Variants in NTM observed in about 807,000 individuals in gnomAD.
NTM encodes the protein IgLON family member 2.
In NTM, 13 loss-of-function variants were observed where a neutral mutation model predicts 42.1. The observed-to-expected ratio is 0.31, with a 90% CI of 0.20 to 0.49. The LOEUF (loss-of-function observed/expected upper bound fraction) is 0.49. Ranked by LOEUF, NTM falls within the 20% of genes least tolerant of loss-of-function variation. The pLI, the probability that NTM is intolerant of heterozygous loss-of-function variation, is 0.99. For synonymous variants in NTM, 187 were observed against 179.2 expected, an observed-to-expected ratio of 1.04 and a Z score of -0.35; for missense variants, 373 against 452.8, an observed-to-expected ratio of 0.82 and a Z score of 1.60.
intron 4 of NTM, among the ~76,000 whole-genome samples, chr11:132,266,688 A>G (rs2093201502): frequency 6.6e-6 from 1 of 152,234 alleles, no homozygotes; most frequent in Non-Finnish European, 1.5e-5. Flanking sequence ...CAAGTGCCCT[A>G]GATCTTTCTG....
chr11:132,239,521 G>C (rs2089767328), intron 4 of NTM, among the ~76,000 whole-genome samples: 1 of 152,176 alleles, frequency 6.6e-6, no homozygotes. Context: ...ATGTTCATCT[G>C]CCCAAGCACC....
At chr11:132,227,969 A>G (rs1350817350) in intron 4 of NTM, among the ~76,000 whole-genome samples, 8 of 152,140 alleles carry the variant, frequency 5.3e-5, no homozygotes, top group Admixed American at 5.2e-4. Context: ...AAAGTCCTCA[A>G]TATTTAACCC....
chr11:131,760,488 G>C (rs1348985961), intron 1 of NTM, among the ~76,000 whole-genome samples: 2 of 152,146 alleles, frequency 1.3e-5, no homozygotes, highest in Non-Finnish European at 2.9e-5. Context: ...AAAAGTGCTG[G>C]GTGGGTGGTT....
intron 1 of NTM, among the ~76,000 whole-genome samples, chr11:131,695,705 G>A (rs1412817542): frequency 6.6e-6 from 1 of 152,100 alleles, no homozygotes; most frequent in South Asian, 2.1e-4. Flanking sequence ...GCAGCGGGTC[G>A]GATGGAGAAC....
At chr11:132,048,022 G>C (rs146746842) in intron 2 of NTM, among the ~76,000 whole-genome samples, 1 of 151,578 alleles carries the variant, frequency 6.6e-6, no homozygotes, top group East Asian at 1.9e-4. Context: ...TTATATAGCT[G>C]AGTATGTCTG....
chr11:131,420,875 G>A (rs1947436385), intron 1 of NTM, among the ~76,000 whole-genome samples: 1 of 152,178 alleles, frequency 6.6e-6, no homozygotes, highest in Non-Finnish European at 1.5e-5. Context: ...GTTGGCAAAT[G>A]CCTGGTCTGG....
chr11:132,090,970 A>G (rs1218025363), intron 2 of NTM, among the ~76,000 whole-genome samples: 1 of 152,110 alleles, frequency 6.6e-6, no homozygotes, highest in Non-Finnish European at 1.5e-5. Flanking sequence ...TATTCCTCCC[A>G]TTCTCTATAG....
chr11:131,772,226 C>T (rs752740335), intron 1 of NTM, among the ~76,000 whole-genome samples: 6 of 152,156 alleles, frequency 3.9e-5, no homozygotes, highest in Non-Finnish European at 7.3e-5. Context: ...ATATAACACA[C>T]GTTCATTGTT....
At chr11:131,851,353 T>C (rs563860239) in intron 1 of NTM, among the ~76,000 whole-genome samples, 1 of 152,240 alleles carries the variant, frequency 6.6e-6, no homozygotes, top group East Asian at 1.9e-4. Flanking sequence ...AAACTCCAAG[T>C]CATTAAATGA....
chr11:131,602,929 G>C (rs2060616636), intron 1 of NTM, among the ~76,000 whole-genome samples: 1 of 152,102 alleles, frequency 6.6e-6, no homozygotes, highest in Admixed American at 6.6e-5. Context: ...TGCAAAATAT[G>C]TCTTGTAATC....
At chr11:131,670,083 G>C (rs1013610817) in intron 1 of NTM, among the ~76,000 whole-genome samples, 2 of 152,124 alleles carry the variant, frequency 1.3e-5, no homozygotes, top group Non-Finnish European at 2.9e-5. Context: ...CAATTAATTG[G>C]AAATGAATTT....
chr11:132,126,424 G>A (rs1430316543), intron 2 of NTM, among the ~76,000 whole-genome samples: 2 of 152,072 alleles, frequency 1.3e-5, no homozygotes, highest in Non-Finnish European at 2.9e-5. Context: ...TGTGATAAGT[G>A]GGGGCTGAGC....
intron 4 of NTM, among the ~76,000 whole-genome samples, chr11:132,282,591 CCAAA>C (rs1164312331): frequency 2.6e-5 from 4 of 152,054 alleles, no homozygotes; most frequent in Admixed American, 6.6e-5. Context: ...ATCTCATTGC[CCAAA>C]CAGTGAAACA....
At chr11:131,729,854 T>C (rs1271778660) in intron 1 of NTM, among the ~76,000 whole-genome samples, 6 of 152,238 alleles carry the variant, frequency 3.9e-5, no homozygotes, top group African/African-American at 1.4e-4. Flanking sequence ...TTGATAGAAA[T>C]TTGGAATAGT....
intron 1 of NTM, among the ~76,000 whole-genome samples, chr11:131,481,686 C>T (rs1327478271): frequency 6.6e-6 from 1 of 152,200 alleles, no homozygotes; most frequent in Non-Finnish European, 1.5e-5. Flanking sequence ...TGCTTTCTAG[C>T]AACTAGGGCC....
chr11:131,741,004 A>T (rs139544794), intron 1 of NTM, among the ~76,000 whole-genome samples: 1 of 152,242 alleles, frequency 6.6e-6, no homozygotes, highest in East Asian at 1.9e-4. Context: ...GTCTCTGCTA[A>T]AACTAGAAAA....
intron 7 of NTM, 183 bp from the exon 8 acceptor site, chr11:132,329,970 A>C (rs915987335): frequency 3.7e-6 from 2 of 536,178 alleles, no homozygotes; most frequent in African/African-American, 4.1e-5. Flanking sequence ...GTAAACCAGA[A>C]AACCAGAGGG....
intron 1 of NTM, among the ~76,000 whole-genome samples, chr11:131,378,057 C>T (rs960464685): frequency 3.9e-5 from 6 of 152,154 alleles, no homozygotes; most frequent in African/African-American, 1.4e-4. Flanking sequence ...ACTTGCCATA[C>T]CATAGAATCA....
chr11:132,113,487 G>T (rs536475399), intron 2 of NTM, among the ~76,000 whole-genome samples: 2 of 152,236 alleles, frequency 1.3e-5, no homozygotes, highest in Admixed American at 1.3e-4. Flanking sequence ...CAAAACAAGC[G>T]TTTGCTTGCA....
Sources: gnomAD v4.1 joint callset for allele counts (sites outside exome capture counted in the v4.1 genomes callset) on GRCh38, gnomAD v4.1.1 for gene constraint, MANE v1.5 for transcripts, NCBI Gene and HGNC (gene_info 2026-07-23, HGNC 2026-07-21) for gene names.